Variants in MRE11 observed in about 807,000 individuals in gnomAD.
MRE11 encodes the protein double-strand break repair protein MRE11.
Under a neutral mutation model 91.7 loss-of-function variants are expected in MRE11, and 62 were observed. The observed-to-expected ratio is 0.68, with a 90% CI of 0.55 to 0.84. The LOEUF (loss-of-function observed/expected upper bound fraction) is 0.84, where lower values mean the gene tolerates loss of function less well. Ranked by LOEUF, MRE11 falls within the 40% of genes least tolerant of loss-of-function variation. The pLI is 0.00. For synonymous variants in MRE11, 273 were observed against 271.4 expected, an observed-to-expected ratio of 1.01 and a Z score of -0.06; for missense variants, 796 against 852.9, an observed-to-expected ratio of 0.93 and a Z score of 0.83.
In MRE11 at chr11:94,420,134, ATTTCTTCTT is replaced by A. The variant is rs757822582; in HGVS notation, c.2109_2117del (p.Leu703_Asn706delinsPhe). ...AGTGCCATTAAATATATTATCTTCTATTTCTTCTTAAAGAACTAGTGTTCATAAAAGGAT... is the reference window on the plus strand; with the variant it reads ...AGTGCCATTAAATATATTATCTTCTAAAAGAACTAGTGTTCATAAAAGGAT... On this transcript the variant is annotated inframe_deletion, in exon 20 of 20. Coordinates refer to ENST00000323929, the MANE Select transcript of MRE11 (RefSeq NM_005591.4). The A allele has an allele frequency of 7.6e-6, 12 of 1,574,136 alleles. No individual in the cohort carries two copies. Among genetic ancestry groups the A allele is most frequent in the Non-Finnish European group, 1.0e-5 (12 of 1,148,870 alleles).
At position 94,479,022 on chromosome 11, in the gene MRE11, T is replaced by C. The variant is rs77142496; in HGVS notation, c.403-146A>G. The C allele has an allele frequency of 1.2e-3, 1,048 of 850,146 alleles. 11 individuals are homozygous for C. In the African/African-American group the frequency reaches 0.016, roughly 13 times the overall value. 52.7% of individuals were successfully genotyped at this position (850,146 alleles called of 1,614,324 possible). ...GTGTCTTCTCAAAACAAAATTACAA[T>C]AGTAAAAGTATTTGCTACATTTTTG... On this transcript the variant is annotated intron_variant, in intron 5 of 19. Transcript: ENST00000323929.
chr11:94,462,673 A>C (rs1380091928), intron 11 of MRE11, among the ~76,000 whole-genome samples: 1 of 152,246 alleles, frequency 6.6e-6, no homozygotes, highest in Non-Finnish European at 1.5e-5. Flanking sequence ...AAAACAAGCA[A>C]TGGGGAAAGG....
intron 12 of MRE11, 106 bp downstream of exon 12, chr11:94,460,830 C>T: frequency 1.1e-6 from 1 of 938,214 alleles, no homozygotes; most frequent in Non-Finnish European, 1.7e-6. Flanking sequence ...TTCATAGAAA[C>T]ATTTTGAGGA....
chr11:94,421,958 A>G (rs1945182256), intron 19 of MRE11, among the ~76,000 whole-genome samples: 1 of 152,228 alleles, frequency 6.6e-6, no homozygotes, highest in African/African-American at 2.4e-5. Context: ...TTGCAAAATG[A>G]AAAAGTGCTG....
chr11:94,502,537 A>G, the MRE11 span, among the ~76,000 whole-genome samples: 1 of 152,200 alleles, frequency 6.6e-6, no homozygotes, highest in Non-Finnish European at 1.5e-5. Flanking sequence ...AAGCAACTGC[A>G]TTTGCTTTTA....
intron 10 of MRE11, among the ~76,000 whole-genome samples, chr11:94,465,382 T>A (rs1477917730): frequency 6.8e-6 from 1 of 146,156 alleles, no homozygotes; most frequent in Non-Finnish European, 1.5e-5. Flanking sequence ...ACCCAGACCA[T>A]CTCTCTCTCT....
At chr11:94,506,435 C>G in the MRE11 span, among the ~76,000 whole-genome samples, 1 of 151,504 alleles carries the variant, frequency 6.6e-6, no homozygotes, top group Non-Finnish European at 1.5e-5. Context: ...ATTGAAGACA[C>G]ACATGTAACA....
chr11:94,500,178 C>G, the MRE11 span, among the ~76,000 whole-genome samples: 2 of 152,186 alleles, frequency 1.3e-5, no homozygotes, highest in Middle Eastern at 3.2e-3. Context: ...GCCTGAAAGT[C>G]ACAGAGCTGA....
intron 9 of MRE11, among the ~76,000 whole-genome samples, chr11:94,470,107 C>G (rs1946667190): frequency 6.6e-6 from 1 of 152,074 alleles, no homozygotes; most frequent in African/African-American, 2.4e-5. Context: ...TAAGGCTTTT[C>G]TCACACACGA....
chr11:94,458,418 A>G (rs562783635), intron 13 of MRE11, among the ~76,000 whole-genome samples: 3 of 152,264 alleles, frequency 2.0e-5, no homozygotes, highest in African/African-American at 7.2e-5. Context: ...TAGATTAGAA[A>G]TATCTTCTCA....
intron 13 of MRE11, among the ~76,000 whole-genome samples, chr11:94,456,774 C>T (rs1451438274): frequency 9.2e-5 from 14 of 152,064 alleles, no homozygotes; most frequent in African/African-American, 3.4e-4. Flanking sequence ...GTGGGTGGCC[C>T]CTGAAGATCC....
rs567721595 is a variant in MRE11, at chr11:94,419,399, C to T, written c.*726G>A. 17 of 228,048 alleles carry T rather than the reference C, an allele frequency of 7.5e-5. No homozygotes were observed. Among genetic ancestry groups the T allele is most frequent in the South Asian group, 3.7e-4 (2 of 5,372 alleles). 14.1% of individuals were successfully genotyped at this position (228,048 alleles called of 1,614,324 possible). A position where few individuals can be genotyped will look rare whatever the true frequency, so the allele number is the denominator to read the frequency against. Reference sequence around the variant, plus strand: ...ACCCGTTTCCTCCTAGAACTAGGCACGCATATATGTATGAAAGAGAAGAAA... The same window carrying T: ...ACCCGTTTCCTCCTAGAACTAGGCATGCATATATGTATGAAAGAGAAGAAA... On this transcript the variant is annotated 3_prime_UTR_variant, in exon 20 of 20. Transcript: ENST00000323929.
In MRE11 at chr11:94,464,074, T is replaced by C. The variant is rs13447650; in HGVS notation, c.1225+39A>G. The C allele has an allele frequency of 3.8e-3, 6,040 of 1,598,150 alleles. 190 individuals are homozygous for C. In the East Asian group the frequency reaches 0.066, roughly 17 times the overall value. ...AATAAAGATTCCTTCACAAATCCTA[T>C]AAGAACATTTTTTTACCTCATAAAA... On this transcript the variant is annotated intron_variant, in intron 11 of 19. Transcript: ENST00000323929.
Position 94,417,888 on chromosome 11 carries a change from T to C in MRE11, c.*2237A>G, listed in dbSNP as rs1284107813. On this transcript the variant is annotated 3_prime_UTR_variant, in exon 20 of 20. Transcript: ENST00000323929. The stretch of plus-strand genomic sequence containing the variant: ...ATTTCCTAGAACTTCGAGGAATCTT[T>C]AACCTTGTAAATGCACTGTTGTATT... 1 of 233,000 alleles carries C rather than the reference T, an allele frequency of 4.3e-6. No homozygotes were observed. The highest frequency in any genetic ancestry group is 6.1e-5 in the East Asian group (1 of 16,526). The allele number at this position is 233,000 out of a possible 1,614,324, so 14.4% of individuals were successfully genotyped here.
At chr11:94,429,589 T>G (rs1380297487) in intron 19 of MRE11, among the ~76,000 whole-genome samples, 1 of 152,190 alleles carries the variant, frequency 6.6e-6, no homozygotes, top group Non-Finnish European at 1.5e-5. Flanking sequence ...CCACATGTCC[T>G]CACTTACAAG....
At chr11:94,436,569 CAAAATGTCA>C (rs1354385357) in intron 17 of MRE11, among the ~76,000 whole-genome samples, 1 of 152,138 alleles carries the variant, frequency 6.6e-6, no homozygotes, top group Admixed American at 6.5e-5. Flanking sequence ...TTATCTAGTC[CAAAATGTCA>C]ACAGTGCTAC....
chr11:94,492,696 TTAAA>T (rs1947318601), intron 2 of MRE11, 82 bp downstream of exon 2: 1 of 1,550,150 alleles, frequency 6.5e-7, no homozygotes, highest in Non-Finnish European at 8.9e-7. Context: ...TTACTGCTTA[TTAAA>T]TAAGTTTTCT....
upstream of MRE11, chr11:94,497,740 A>C (rs2135162268): frequency 4.6e-6 from 1 of 219,510 alleles, no homozygotes; most frequent in Non-Finnish European, 9.0e-6. Context: ...CAGATAACAC[A>C]TAAAATATTA....
chr11:94,492,015 C>CCT (rs1947296745), intron 2 of MRE11, among the ~76,000 whole-genome samples: 1 of 152,164 alleles, frequency 6.6e-6, no homozygotes, highest in Non-Finnish European at 1.5e-5. Context: ...TCCAATTATA[C>CCT]CAATGGCAAA....
Sources: allele counts gnomAD v4.1 joint callset (sites outside exome capture counted in the v4.1 genomes callset), GRCh38; gene constraint gnomAD v4.1.1; transcripts MANE v1.5; gene names NCBI Gene and HGNC (gene_info 2026-07-23, HGNC 2026-07-21).